The following EYS variants were observed in gnomAD, a reference collection of about 807,000 sequenced individuals.
The protein encoded by EYS is protein eyes shut homolog.
Under a neutral mutation model 282.1 loss-of-function variants are expected in EYS, and 250 were observed. That is an observed-to-expected ratio of 0.89 (90% CI 0.80 to 0.98). The LOEUF is 0.98. EYS is among the 50% of genes least tolerant of loss of function. The pLI, the probability that EYS is intolerant of heterozygous loss-of-function variation, is 0.00. For synonymous variants in EYS, 1,355 were observed against 1,282.9 expected (o/e 1.06, Z -1.20); for missense variants, 4,016 against 3,709.0 (o/e 1.08, Z -2.15).
intron 1 of EYS, among the ~76,000 whole-genome samples, chr6:65,685,835 T>G (rs1190465508): frequency 6.6e-6 from 1 of 152,026 alleles, no homozygotes; most frequent in Non-Finnish European, 1.5e-5. Context: ...CAATATATTC[T>G]CATTAAAATT....
intron 11 of EYS, among the ~76,000 whole-genome samples, chr6:65,310,006 TA>T (rs1308808445): frequency 6.6e-6 from 1 of 152,190 alleles, no homozygotes; most frequent in African/African-American, 2.4e-5. Context: ...ATCACAATAC[TA>T]TCTTGCTCCA....
At chr6:64,427,790 G>GA (rs1277972451) in intron 28 of EYS, among the ~76,000 whole-genome samples, 4 of 152,122 alleles carry the variant, frequency 2.6e-5, no homozygotes, top group East Asian at 1.9e-4. Flanking sequence ...TTCATTAATA[G>GA]AAAAAACTTA....
intron 12 of EYS, among the ~76,000 whole-genome samples, chr6:65,270,434 T>C (rs1164081125): frequency 6.6e-6 from 1 of 152,156 alleles, no homozygotes; most frequent in African/African-American, 2.4e-5. Context: ...CTCATGGTTT[T>C]GAGTGAAGGC....
intron 22 of EYS, among the ~76,000 whole-genome samples, chr6:64,782,042 T>A (rs1252926417): frequency 6.6e-6 from 1 of 152,204 alleles, no homozygotes; most frequent in Non-Finnish European, 1.5e-5. Flanking sequence ...AGTAAAACGA[T>A]GTTTTGTCTT....
intron 1 of EYS, among the ~76,000 whole-genome samples, chr6:65,669,342 G>A (rs889326492): frequency 3.3e-5 from 5 of 151,878 alleles, no homozygotes; most frequent in Admixed American, 2.6e-4. Flanking sequence ...ATAAGATTTA[G>A]TCATACAAAA....
chr6:64,381,873 C>A (rs1772758227), intron 29 of EYS, among the ~76,000 whole-genome samples: 1 of 152,078 alleles, frequency 6.6e-6, no homozygotes, highest in African/African-American at 2.4e-5. Context: ...TTTGTCAGGG[C>A]AAAACATTAG....
In EYS at chr6:65,404,898, A is replaced by T. The variant is rs188131912; in HGVS notation, c.1056+276T>A. ...AATGTTAAATTGAAAAGTTAAAGTA[A>T]AACAATATTGAATAACTAAAAGATG... On this transcript the variant is annotated intron_variant, in intron 6 of 42. Coordinates refer to ENST00000503581, the MANE Select transcript of EYS (RefSeq NM_001142800.2). Among the ~76,000 whole-genome samples the T allele has an allele frequency of 4.0e-3, 613 of 152,010 alleles. 5 individuals are homozygous for T. Among genetic ancestry groups the T allele is most frequent in the African/African-American group, 0.014 (580 of 41,542 alleles).
intron 22 of EYS, among the ~76,000 whole-genome samples, chr6:64,696,365 A>G (rs564105045): frequency 1.7e-4 from 26 of 152,320 alleles, no homozygotes; most frequent in African/African-American, 5.8e-4. Context: ...GAAGTATGGA[A>G]CTACATGAAA....
At chr6:64,545,398 A>T (rs1582876662) in intron 26 of EYS, among the ~76,000 whole-genome samples, 1 of 152,262 alleles carries the variant, frequency 6.6e-6, no homozygotes, top group South Asian at 2.1e-4. Context: ...TCTATGACAA[A>T]CCCACAGCCA....
chr6:65,434,533 G>A (rs1044996063), intron 5 of EYS, among the ~76,000 whole-genome samples: 1 of 152,084 alleles, frequency 6.6e-6, no homozygotes, highest in African/African-American at 2.4e-5. Context: ...TGTTAGCCAG[G>A]ACGGTTTCGA....
intron 9 of EYS, among the ~76,000 whole-genome samples, chr6:65,346,167 C>G (rs1350617365): frequency 6.6e-6 from 1 of 151,776 alleles, no homozygotes; most frequent in African/African-American, 2.4e-5. Context: ...GCAACCCTGT[C>G]ATAGAGCTCC....
At chr6:65,657,558 T>C (rs1370235879) in intron 1 of EYS, among the ~76,000 whole-genome samples, 8 of 151,868 alleles carry the variant, frequency 5.3e-5, no homozygotes, top group Non-Finnish European at 7.4e-5. Context: ...AGCTGAAAGA[T>C]GTGACTGAAT....
chr6:65,384,028 C>A (rs548977723), intron 8 of EYS, among the ~76,000 whole-genome samples: 4 of 151,826 alleles, frequency 2.6e-5, no homozygotes, highest in East Asian at 3.9e-4. Context: ...ACTAAAAAAG[C>A]ATATTTTGTG....
At chr6:64,148,850 C>T (rs1040809668) in intron 31 of EYS, among the ~76,000 whole-genome samples, 1 of 152,116 alleles carries the variant, frequency 6.6e-6, no homozygotes, top group Admixed American at 6.6e-5. Context: ...AGAAATGTTA[C>T]AGAAAAATGT....
chr6:65,175,799 A>G (rs547813040), intron 12 of EYS, among the ~76,000 whole-genome samples: 24 of 151,568 alleles, frequency 1.6e-4, no homozygotes, highest in African/African-American at 5.8e-4. Flanking sequence ...AAATCAACAA[A>G]CAACTGACTC....
At chr6:64,898,731 T>C (rs984959933) in intron 18 of EYS, among the ~76,000 whole-genome samples, 1 of 147,196 alleles carries the variant, frequency 6.8e-6, no homozygotes, top group Non-Finnish European at 1.5e-5. Flanking sequence ...AAGACACATA[T>C]AAGCTCAAAA....
chr6:64,770,609 C>A (rs569026431), intron 22 of EYS, among the ~76,000 whole-genome samples: 1 of 151,796 alleles, frequency 6.6e-6, no homozygotes, highest in African/African-American at 2.4e-5. Context: ...ACTCAATCGT[C>A]GAAACTAGGT....
chr6:65,699,923 G>C (rs1425462696), intron 1 of EYS, among the ~76,000 whole-genome samples: 1 of 151,360 alleles, frequency 6.6e-6, no homozygotes, highest in African/African-American at 2.4e-5. Context: ...GACCATCCTG[G>C]CTAACATGGT....
At chr6:65,641,327 C>A (rs191792091) in intron 1 of EYS, among the ~76,000 whole-genome samples, 20 of 152,326 alleles carry the variant, frequency 1.3e-4, no homozygotes, top group African/African-American at 4.3e-4. Flanking sequence ...CCAAGAGTGA[C>A]CTCAGGCCTA....
Sources: gnomAD v4.1 joint callset for allele counts (sites outside exome capture counted in the v4.1 genomes callset) on GRCh38, gnomAD v4.1.1 for gene constraint, MANE v1.5 for transcripts, NCBI Gene and HGNC (gene_info 2026-07-23, HGNC 2026-07-21) for gene names.